TPRX1: variants seen among roughly 807,000 people sequenced by gnomAD.
The protein encoded by TPRX1 is tetrapeptide repeat homeobox 1.
In TPRX1, 2 loss-of-function variants were observed where a neutral mutation model predicts 8.1. The observed-to-expected ratio is 0.25, with a 90% CI of 0.10 to 0.78. The LOEUF is 0.78. TPRX1 is among the 30% of genes least tolerant of loss of function. The pLI is 0.70. For missense variants in TPRX1, 517 were observed against 586.9 expected (o/e 0.88, Z 1.23); for synonymous variants, 257 against 254.1 (o/e 1.01, Z -0.11).
At chr19:47,805,217 T>C (rs1322332884) in intron 2 of TPRX1, among the ~76,000 whole-genome samples, 2 of 152,162 alleles carry the variant, frequency 1.3e-5, no homozygotes, top group Non-Finnish European at 2.9e-5. Flanking sequence ...CCTCTGTTGG[T>C]TTCTCCTGGA....
chr19:47,802,931 T>A lies in TPRX1; in HGVS notation c.371A>T (p.Gln124Leu). The A allele has an allele frequency of 3.9e-6, 6 of 1,542,712 alleles. No individual in the cohort carries two copies. Among genetic ancestry groups the A allele is most frequent in the Non-Finnish European group, 5.2e-6 (6 of 1,151,384 alleles). The change falls in exon 4 of 4, where the codon CAG becomes CTG. Residue 124 changes from glutamine to leucine, a missense_variant. Around this residue, in one of 3 missense-constraint regions of TPRX1, gnomAD observed 506 missense variants for 515.5 expected, o/e 0.98. Transcript: ENST00000535759. ...CCCAGGGACGCGCTGGGGCTGCTGCTGGAGCCGCCGCTCCCGAGCTAGTTT... is the reference window on the plus strand; with the variant it reads ...CCCAGGGACGCGCTGGGGCTGCTGCAGGAGCCGCCGCTCCCGAGCTAGTTT...
chr19:47,802,720 G>A lies in TPRX1; in HGVS notation c.582C>T (p.Gly194=), dbSNP rs746255485. 2.9e-5 allele frequency: 46 copies of A among 1,593,952 alleles called. No individual in the cohort carries two copies. The East Asian group carries it at 9.8e-4, about 34-fold the overall frequency. The change falls in exon 4 of 4, where the codon GGC becomes GGT. Residue 194 remains glycine, a synonymous_variant. Transcript: ENST00000535759. ...GGCCTGGGATTGGGGCAGGGATCGGGCCAGGGCCTGGACTCAGGGCAGCTG... is the reference window on the plus strand; with the variant it reads ...GGCCTGGGATTGGGGCAGGGATCGGACCAGGGCCTGGACTCAGGGCAGCTG...
rs141084241 is a variant in TPRX1 at position 47,802,216 on chromosome 19, A to C, written c.1086T>G (p.Ile362Met). ...GGGCTGGGCTGGGAATCGGGCCTAT[A>C]ATTGGGCCTGGGCCTGAGATTGGGC... is the stretch of plus-strand genomic sequence containing the variant. Residue 362 changes from isoleucine (I) to methionine (M), a missense_variant, in exon 4 of 4, where the codon ATT becomes ATG. Ile to Met is a conservative substitution (Grantham distance 10). Around this residue, in one of 3 missense-constraint regions of TPRX1, gnomAD observed 506 missense variants for 515.5 expected, o/e 0.98. Transcript: ENST00000535759. 63 of 1,599,774 alleles carry C rather than the reference A, an allele frequency of 3.9e-5. No homozygotes were observed. The African/African-American group carries it at 7.3e-4, about 19-fold the overall frequency.
chr19:47,806,703 C>T (rs1041917058), intron 2 of TPRX1, among the ~76,000 whole-genome samples: 3 of 152,064 alleles, frequency 2.0e-5, no homozygotes, highest in East Asian at 1.9e-4. Context: ...AGCACATATA[C>T]GATTCTATTT....
rs1967716262 is a variant in TPRX1, at chr19:47,804,511, T to C, written c.152-838A>G. ...AGACCCCTCACACCTCTGTCCCCGC[T>C]CACCTTGGAGATGACCAGGGTCTTG... is the stretch of plus-strand genomic sequence containing the variant. On this transcript the variant is annotated intron_variant, in intron 2 of 3. Coordinates refer to ENST00000535759, the Ensembl canonical transcript of TPRX1. Among the ~76,000 whole-genome samples the C allele has an allele frequency of 6.6e-6, 1 of 152,156 alleles. No homozygotes were observed. The highest frequency in any genetic ancestry group is 2.1e-4 in the South Asian group (1 of 4,824).
chr19:47,803,775 G>T (rs929912256), intron 2 of TPRX1, 102 bp from the exon 2 acceptor site: 10 of 566,612 alleles, frequency 1.8e-5, no homozygotes, highest in African/African-American at 3.6e-5. Flanking sequence ...GGCAGTGTGG[G>T]CTGGGGCGGC....
intron 2 of TPRX1, among the ~76,000 whole-genome samples, chr19:47,804,897 C>T (rs956514968): frequency 2.6e-5 from 4 of 152,194 alleles, no homozygotes; most frequent in Admixed American, 6.5e-5. Flanking sequence ...GCCAGCCAGC[C>T]CCCAGGAGTC....
At chr19:47,804,485 C>T (rs4047206) in intron 2 of TPRX1, among the ~76,000 whole-genome samples, 30 bp downstream of exon 1, 12,561 of 152,144 alleles carry the variant, frequency 0.083, 598 homozygotes, top group South Asian at 0.15. Flanking sequence ...AGGATCAGCC[C>T]AGACCCCTCA....
intron 2 of TPRX1, among the ~76,000 whole-genome samples, 164 bp downstream of exon 1, chr19:47,804,351 A>G (rs937550947): frequency 6.6e-6 from 1 of 151,994 alleles, no homozygotes; most frequent in Non-Finnish European, 1.5e-5. Context: ...CGCTACACCC[A>G]GCTGCATGAT....
At chr19:47,816,059 A>T (rs1967836967) in intron 2 of TPRX1, among the ~76,000 whole-genome samples, 1 of 151,710 alleles carries the variant, frequency 6.6e-6, no homozygotes, top group African/African-American at 2.4e-5. Context: ...CTGTTTATTT[A>T]TTTATATTTA....
chr19:47,802,138 G>T, exon 4 of TPRX1: 2 of 1,589,318 alleles, frequency 1.3e-6, no homozygotes, highest in Non-Finnish European at 1.7e-6. Context: ...TTCGCATCCG[G>T]CCAGGACTTA....
At position 47,802,684 on chromosome 19, in the gene TPRX1, G is replaced by T. The variant is rs78495380; in HGVS notation, c.618C>A (p.Ile206=). The T allele has an allele frequency of 2.6e-5, 41 of 1,572,644 alleles. No individual in the cohort carries two copies. The East Asian group carries it at 6.5e-4, about 25-fold the overall frequency. ...GAATTGAGCCAGGGAGTGGGCCTGG[G>T]ATCTGGGCTGGGCCTGGGATTGGGG... The change falls in exon 4 of 4, where the codon ATC becomes ATA. Residue 206 remains isoleucine (I), a synonymous_variant. Transcript: ENST00000535759.
chr19:47,813,630 T>A (rs1406815134), intron 2 of TPRX1, among the ~76,000 whole-genome samples: 1 of 151,882 alleles, frequency 6.6e-6, no homozygotes, highest in Non-Finnish European at 1.5e-5. Context: ...CCTTTCTCTG[T>A]TCCTCAGTTT....
At chr19:47,801,744 G>A in exon 4 of TPRX1, 1 of 1,527,460 alleles carries the variant, frequency 6.5e-7, no homozygotes, top group South Asian at 1.3e-5. Flanking sequence ...AGGCCCTCTG[G>A]GATCTGAAGA....
chr19:47,810,254 CAAAAAAAAA>C (rs767070353), intron 2 of TPRX1, among the ~76,000 whole-genome samples: 10 of 21,394 alleles, frequency 4.7e-4, no homozygotes, highest in South Asian at 4.0e-3. Context: ...GACTCCATCT[CAAAAAAAAA>C]AAAAAAAAAA....
chr19:47,806,403 C>A (rs1168433986), intron 2 of TPRX1, among the ~76,000 whole-genome samples: 1 of 149,958 alleles, frequency 6.7e-6, no homozygotes, highest in African/African-American at 2.5e-5. Context: ...GCCTGTAATC[C>A]CAGCTACTTG....
Position 47,801,623 on chromosome 19 carries a change from C to T in TPRX1, c.*152G>A, listed in dbSNP as rs1009956751. The T allele has an allele frequency of 1.1e-5, 10 of 898,008 alleles. No individual in the cohort carries two copies. The African/African-American group carries it at 1.3e-4, about 12-fold the overall frequency. 55.6% of individuals were successfully genotyped at this position (898,008 alleles called of 1,614,324 possible). A position where few individuals can be genotyped will look rare whatever the true frequency, so the allele number is the denominator to read the frequency against. Reference sequence around the variant, plus strand: ...ACAGGCAGGCACATTCACAGCAGAGCCACCTGTGATAGCTGCACAGTGAAG... The same window carrying T: ...ACAGGCAGGCACATTCACAGCAGAGTCACCTGTGATAGCTGCACAGTGAAG... On this transcript the variant is annotated 3_prime_UTR_variant, in exon 4 of 4. Transcript: ENST00000535759.
intron 2 of TPRX1, among the ~76,000 whole-genome samples, chr19:47,814,659 C>G (rs1258460416): frequency 6.6e-6 from 1 of 151,984 alleles, no homozygotes; most frequent in Non-Finnish European, 1.5e-5. Flanking sequence ...CTGAGGTTTC[C>G]TGAGCTGGGA....
intron 2 of TPRX1, among the ~76,000 whole-genome samples, chr19:47,805,623 C>T (rs1314697892): frequency 6.6e-6 from 1 of 152,122 alleles, no homozygotes; most frequent in Non-Finnish European, 1.5e-5. Flanking sequence ...TACCACGGGC[C>T]TCGCTCATTG....
Sources: gnomAD v4.1 joint callset for allele counts (sites outside exome capture counted in the v4.1 genomes callset) on GRCh38, gnomAD v4.1.1 for gene constraint, gnomAD v4.1.1 regional missense constraint, MANE v1.5 for transcripts, NCBI Gene and HGNC (gene_info 2026-07-23, HGNC 2026-07-21) for gene names.